The following CRELD1 variants were observed in gnomAD, a reference collection of about 807,000 sequenced individuals.
The protein encoded by CRELD1 is CRELD disulfide isomerase 1, also known as protein disulfide isomerase CRELD1.
Under a neutral mutation model 58.2 loss-of-function variants are expected in CRELD1, and 42 were observed. The ratio of observed to expected loss-of-function variants is 0.72; its 90% confidence interval spans 0.56 to 0.93. CRELD1 has a LOEUF of 0.93. Among genes scored for constraint, CRELD1 ranks in the 40% least tolerant of loss-of-function variants. The pLI, the probability that CRELD1 is intolerant of heterozygous loss-of-function variation, is 0.00. For missense variants in CRELD1, 500 were observed against 540.6 expected (o/e 0.92, Z 0.74); for synonymous variants, 222 against 202.0 (o/e 1.10, Z -0.84).
Position 9,944,593 on chromosome 3 carries a change from C to T in CRELD1, c.*14C>T, listed in dbSNP as rs985603222. On this transcript the variant is annotated 3_prime_UTR_variant, in exon 11 of 11. Coordinates refer to ENST00000452070, the MANE Select transcript of CRELD1 (RefSeq NM_001077415.3). ...AAGGGCAGATAATCGCGGCCACCAC[C>T]TGTAGGACCTCCTCCCACCCACGCT... The T allele has an allele frequency of 6.3e-7, 1 of 1,587,780 alleles. No homozygotes were observed. The highest frequency in any genetic ancestry group is 8.5e-7 in the Non-Finnish European group (1 of 1,172,758).
intron 3 of CRELD1, among the ~76,000 whole-genome samples, chr3:9,936,594 TA>T (rs547827347): frequency 2.0e-5 from 3 of 151,998 alleles, no homozygotes; most frequent in South Asian, 4.2e-4. Context: ...AAAATACACA[TA>T]AAAAATTTCC....
chr3:9,941,916 T>A (rs950816006), intron 7 of CRELD1, among the ~76,000 whole-genome samples: 2 of 150,652 alleles, frequency 1.3e-5, no homozygotes, highest in African/African-American at 4.9e-5. Context: ...TTATATAGAC[T>A]AAAGTAAAGG....
At chr3:9,935,995 C>A (rs898524138) in intron 3 of CRELD1, 1 of 151,986 alleles carries the variant, frequency 6.6e-6, no homozygotes, top group African/African-American at 2.4e-5. Flanking sequence ...TACAGAAAGC[C>A]ATTTATATAG....
At chr3:9,940,027 C>A (rs1395304835) in intron 5 of CRELD1, among the ~76,000 whole-genome samples, 1 of 152,092 alleles carries the variant, frequency 6.6e-6, no homozygotes, top group Non-Finnish European at 1.5e-5. Context: ...ACTTCCCAGA[C>A]GGGGCGGCTG....
rs568578968 is a variant in CRELD1, at chr3:9,944,925, G to A, written c.*346G>A. The A allele has an allele frequency of 2.6e-4, 96 of 374,704 alleles. No homozygotes were observed. Among genetic ancestry groups the A allele is most frequent in the South Asian group, 2.2e-3 (94 of 41,792 alleles). The allele number at this position is 374,704 out of a possible 1,614,324, so 23.2% of individuals were successfully genotyped here. On this transcript the variant is annotated 3_prime_UTR_variant, in exon 11 of 11. Transcript: ENST00000452070. Reference sequence around the variant, plus strand: ...GGTGGGGCCATCACAGCTCCCTCCTGCCAGCTGCATGCTGCCAGTTCCTGT... The same window carrying A: ...GGTGGGGCCATCACAGCTCCCTCCTACCAGCTGCATGCTGCCAGTTCCTGT...
intron 10 of CRELD1, chr3:9,943,906 A>G (rs1446987705): frequency 1.3e-6 from 2 of 1,594,106 alleles, no homozygotes; most frequent in African/African-American, 2.7e-5. Context: ...TTCTAGGTGC[A>G]TTCCCCATCT....
At chr3:9,944,078 G>A (rs1048005664) in intron 10 of CRELD1, 7 of 796,808 alleles carry the variant, frequency 8.8e-6, no homozygotes, top group South Asian at 8.0e-5. Context: ...GTCTGACCGT[G>A]GAACGAGACT....
chr3:9,944,107 T>C (rs1380064373), intron 10 of CRELD1: 1 of 790,368 alleles, frequency 1.3e-6, no homozygotes, highest in Admixed American at 1.7e-5. Flanking sequence ...TAATAAATGC[T>C]CTGCCCCCAA....
rs190174207 is a variant in CRELD1 at position 9,939,784 on chromosome 3, T to G, written c.461-1066T>G. ...GATTTCTCAGTGTTTTCCCCACCTTTCCCCCTTTTCTATTCCACAAAACCG... is the reference window on the plus strand; with the variant it reads ...GATTTCTCAGTGTTTTCCCCACCTTGCCCCCTTTTCTATTCCACAAAACCG... On this transcript the variant is annotated intron_variant, in intron 5 of 10. Coordinates refer to ENST00000452070, the MANE Select transcript of CRELD1 (RefSeq NM_001077415.3). Among the ~76,000 whole-genome samples, 180 of 151,724 alleles carry G rather than the reference T, an allele frequency of 1.2e-3. 2 individuals carry two copies. The highest frequency in any genetic ancestry group is 4.1e-3 in the African/African-American group (172 of 41,446).
intron 1 of CRELD1, 136 bp downstream of exon 1, chr3:9,934,056 A>C: frequency 3.1e-6 from 1 of 323,748 alleles, no homozygotes; most frequent in Non-Finnish European, 5.8e-6. Flanking sequence ...CCCCCAAGAC[A>C]ACCCCTCTGG....
In CRELD1 at chr3:9,937,589, G is replaced by A. The variant is rs753512830; in HGVS notation, c.285G>A (p.Glu95=). The change falls in exon 4 of 11, where the codon GAG becomes GAA. Residue 95 remains glutamate, a synonymous_variant. Transcript: ENST00000452070. The stretch of plus-strand genomic sequence containing the variant: ...AGACCCGCCTGGTAGAGGTGCTGGA[G>A]GGTGTGTGCAGCAAGTCAGACTTCG... ...DSETRLVEVL[E]GVCSKSDFEC... is the part of the protein sequence containing the mutation. 8.7e-6 allele frequency: 14 copies of A among 1,612,232 alleles called. No individual in the cohort carries two copies. Among genetic ancestry groups the A allele is most frequent in the Non-Finnish European group, 1.2e-5 (14 of 1,179,676 alleles).
chr3:9,943,658 C>G, intron 10 of CRELD1, 143 bp downstream of exon 10: 1 of 1,563,428 alleles, frequency 6.4e-7, no homozygotes, highest in Admixed American at 1.8e-5. Flanking sequence ...AGACCGGGCT[C>G]TACATCTGAT....
chr3:9,941,458 G>A (rs1009693512), intron 7 of CRELD1, among the ~76,000 whole-genome samples: 1 of 152,160 alleles, frequency 6.6e-6, no homozygotes, highest in African/African-American at 2.4e-5. Context: ...AATCAGGAAA[G>A]GCTTCTTGGA....
chr3:9,940,716 GAGGGAA>G lies in CRELD1; in HGVS notation c.461-129_461-124del. 2 of 630,054 alleles carry G rather than the reference GAGGGAA, an allele frequency of 3.2e-6. 1 individual carries two copies. Among genetic ancestry groups the G allele is most frequent in the Non-Finnish European group, 5.6e-6 (2 of 356,792 alleles). 39.0% of individuals were successfully genotyped at this position (630,054 alleles called of 1,614,324 possible). ...GAGAGGGAGGCCATGGGGAGAGGGA[GAGGGAA>G]AGGGGGAGGGGGAGGGGAGGGGGGG... is the stretch of plus-strand genomic sequence containing the variant. On this transcript the variant is annotated intron_variant, in intron 5 of 10. Transcript: ENST00000452070.
In CRELD1 at chr3:9,937,583, G is replaced by A. The variant is rs1226633501; in HGVS notation, c.279G>A (p.Val93=). 1 of 1,611,968 alleles carries A rather than the reference G, an allele frequency of 6.2e-7. No homozygotes were observed. The highest frequency in any genetic ancestry group is 2.2e-5 in the East Asian group (1 of 44,826). The stretch of plus-strand genomic sequence containing the variant: ...TCAGTGAGACCCGCCTGGTAGAGGT[G>A]CTGGAGGGTGTGTGCAGCAAGTCAG... The part of the protein sequence containing the change: ...YKDSETRLVE[V]LEGVCSKSDF... The change falls in exon 4 of 11, where the codon GTG becomes GTA. Residue 93 remains valine, a synonymous_variant. Transcript: ENST00000452070.
intron 7 of CRELD1, among the ~76,000 whole-genome samples, chr3:9,941,789 CAAA>C (rs34088708): frequency 2.9e-4 from 6 of 20,642 alleles, no homozygotes; most frequent in African/African-American, 9.7e-4. Flanking sequence ...GACTCCATCT[CAAA>C]AAAAAAAAAA....
At position 9,941,043 on chromosome 3, in the gene CRELD1, T is replaced by TGTG; in HGVS notation, c.637+19_637+21dup. ...TATGTTCGGGTAGGTAGCCAAAAGGTGTGGCACTGGGCAGGGGCAGATGGG... is the reference window on the plus strand; with the variant it reads ...TATGTTCGGGTAGGTAGCCAAAAGGTGTGGTGGCACTGGGCAGGGGCAGATGGG... On this transcript the variant is annotated intron_variant, in intron 6 of 10. Coordinates refer to ENST00000452070, the MANE Select transcript of CRELD1 (RefSeq NM_001077415.3). 3.1e-6 allele frequency: 5 copies of TGTG among 1,614,088 alleles called. No homozygotes were observed. Among genetic ancestry groups the TGTG allele is most frequent in the Non-Finnish European group, 3.4e-6 (4 of 1,180,000 alleles).
At chr3:9,936,547 A>C (rs1039991597) in intron 3 of CRELD1, among the ~76,000 whole-genome samples, 13 of 118,766 alleles carry the variant, frequency 1.1e-4, no homozygotes, top group Admixed American at 8.3e-4. Context: ...GCGTATATAT[A>C]TGCGTATATA....
At chr3:9,935,714 G>C (rs2085174278) in intron 3 of CRELD1, 1 of 152,186 alleles carries the variant, frequency 6.6e-6, no homozygotes, top group African/African-American at 2.4e-5. Context: ...ACTAGATTTT[G>C]GGCCTGAGCA....
Sources: gnomAD v4.1 joint callset for allele counts (sites outside exome capture counted in the v4.1 genomes callset) on GRCh38, gnomAD v4.1.1 for gene constraint, MANE v1.5 for transcripts, NCBI Gene and HGNC (gene_info 2026-07-23, HGNC 2026-07-21) for gene names.